The following PHTF2 variants were observed in gnomAD, a reference collection of about 807,000 sequenced individuals.
PHTF2 encodes the protein putative homeodomain transcription factor 2, also known as protein PHTF2.
PHTF2 carries 60 observed loss-of-function variants against 101.2 expected under a neutral mutation model. That is an observed-to-expected ratio of 0.59 (90% CI 0.48 to 0.73). The LOEUF (loss-of-function observed/expected upper bound fraction) is 0.73. PHTF2 is among the 30% of genes least tolerant of loss of function. The pLI is 0.00. For missense variants in PHTF2, 747 were observed against 908.7 expected, an observed-to-expected ratio of 0.82 and a Z score of 2.29; for synonymous variants, 311 against 307.3, an observed-to-expected ratio of 1.01 and a Z score of -0.13.
chr7:77,808,582 A>C (rs1189245151), intron 1 of PHTF2, among the ~76,000 whole-genome samples: 1 of 152,204 alleles, frequency 6.6e-6, no homozygotes, highest in Non-Finnish European at 1.5e-5. Flanking sequence ...AGTTTTTCCT[A>C]CATTGCATAT....
At chr7:77,859,922 T>G (rs1191696525) in intron 3 of PHTF2, among the ~76,000 whole-genome samples, 1 of 152,200 alleles carries the variant, frequency 6.6e-6, no homozygotes, top group Admixed American at 6.5e-5. Context: ...TATGCAAAAT[T>G]AAGCACAATT....
At chr7:77,874,890 A>G (rs1294411884) in intron 3 of PHTF2, among the ~76,000 whole-genome samples, 1 of 152,174 alleles carries the variant, frequency 6.6e-6, no homozygotes, top group Non-Finnish European at 1.5e-5. Flanking sequence ...CTTTTCCCCA[A>G]TAAACGTTCT....
At chr7:77,878,158 T>C (rs1050427014) in intron 3 of PHTF2, among the ~76,000 whole-genome samples, 1 of 151,622 alleles carries the variant, frequency 6.6e-6, no homozygotes, top group African/African-American at 2.4e-5. Context: ...ACAAGAGAGG[T>C]TATTATTATT....
At chr7:77,926,434 C>T (rs1221132531) in intron 11 of PHTF2, among the ~76,000 whole-genome samples, 2 of 151,866 alleles carry the variant, frequency 1.3e-5, no homozygotes, top group Non-Finnish European at 2.9e-5. Context: ...TTTCTTTTTA[C>T]TTCTTTCTAA....
rs375873189 is a variant in PHTF2, at chr7:77,927,199, TAC to T, written c.1120-1886_1120-1885del. ...AAAAATATATATATATATATATACA[TAC>T]ACACACACACACACACACACACAAA... On this transcript the variant is annotated intron_variant, in intron 11 of 19. Coordinates refer to ENST00000416283, the Ensembl canonical transcript of PHTF2. 3.5e-3 allele frequency among the ~76,000 whole-genome samples: 375 copies of T among 108,374 alleles called. 2 individuals are homozygous for T. The highest frequency in any genetic ancestry group is 0.01 in the Middle Eastern group (2 of 192). The allele number at this position is 108,374 out of a possible 152,430, so 71.1% of individuals were successfully genotyped here. A position where few individuals can be genotyped will look rare whatever the true frequency, so the allele number is the denominator to read the frequency against.
chr7:77,925,662 G>A (rs191765805), intron 11 of PHTF2, among the ~76,000 whole-genome samples: 1 of 151,550 alleles, frequency 6.6e-6, no homozygotes, highest in Admixed American at 6.6e-5. Flanking sequence ...ATGGGGTTTC[G>A]CCCTGTTGGC....
intron 5 of PHTF2, 23 bp from the exon 5 acceptor site, chr7:77,900,688 A>G (rs762488144): frequency 3.8e-5 from 46 of 1,226,058 alleles, no homozygotes; most frequent in East Asian, 7.0e-5. Flanking sequence ...TACAATTCCA[A>G]TGCTTCTTTT....
At chr7:77,893,982 T>C in exon 5 of PHTF2, 1 of 1,599,934 alleles carries the variant, frequency 6.3e-7, no homozygotes, top group Non-Finnish European at 8.6e-7. Context: ...CTCTGTACAG[T>C]TTATTAAACT....
intron 1 of PHTF2, among the ~76,000 whole-genome samples, chr7:77,801,019 A>C (rs973201580): frequency 5.9e-5 from 9 of 152,224 alleles, no homozygotes; most frequent in Non-Finnish European, 1.5e-5. Flanking sequence ...ATAACACTGC[A>C]AAACCGTAAA....
intron 1 of PHTF2, among the ~76,000 whole-genome samples, chr7:77,824,072 A>G (rs974850051): frequency 1.2e-4 from 19 of 152,150 alleles, no homozygotes; most frequent in Non-Finnish European, 5.9e-5. Context: ...GTTTGGAGGT[A>G]TGACAAATAC....
Position 77,925,692 on chromosome 7 carries a change from C to T in PHTF2, c.1119+2914C>T, listed in dbSNP as rs551747821. Reference sequence around the variant, plus strand: ...GTTGGCTAGGCTGGTCTTGATGCACCCACCTGGACCTCCCAAAGTGCTGGG... The same window carrying T: ...GTTGGCTAGGCTGGTCTTGATGCACTCACCTGGACCTCCCAAAGTGCTGGG... On this transcript the variant is annotated intron_variant, in intron 11 of 19. Coordinates refer to ENST00000416283, the Ensembl canonical transcript of PHTF2. 2.0e-5 allele frequency among the ~76,000 whole-genome samples: 3 copies of T among 151,686 alleles called. No homozygotes were observed. The South Asian group carries it at 6.3e-4, about 32-fold the overall frequency.
chr7:77,895,509 A>T (rs1161940496), intron 5 of PHTF2, among the ~76,000 whole-genome samples: 1 of 152,094 alleles, frequency 6.6e-6, no homozygotes, highest in Non-Finnish European at 1.5e-5. Context: ...AAAGCCTTTA[A>T]CTCATTAGAC....
chr7:77,935,314 C>A (rs1331500463), intron 12 of PHTF2, among the ~76,000 whole-genome samples: 2 of 151,110 alleles, frequency 1.3e-5, no homozygotes, highest in Non-Finnish European at 2.9e-5. Flanking sequence ...GCTCTGCCTC[C>A]CGGGTTCACG....
At chr7:77,863,001 A>C (rs1195987858) in intron 3 of PHTF2, among the ~76,000 whole-genome samples, 3 of 152,228 alleles carry the variant, frequency 2.0e-5, no homozygotes, top group Non-Finnish European at 4.4e-5. Context: ...GAGTTTATTC[A>C]AATAAAAGCT....
chr7:77,953,877 C>T (rs1806758249), exon 19 of PHTF2: 6 of 1,613,070 alleles, frequency 3.7e-6, no homozygotes, highest in Non-Finnish European at 5.1e-6. Context: ...CAGTGACTTG[C>T]TTGGATTTAA....
intron 11 of PHTF2, among the ~76,000 whole-genome samples, chr7:77,927,177 A>AATATAT (rs386410516): frequency 5.1e-5 from 4 of 78,150 alleles, no homozygotes; most frequent in South Asian, 4.1e-4. Context: ...AAAAAAAAAA[A>AATATAT]ATATATATAT....
chr7:77,817,877 A>T (rs2150508244), intron 1 of PHTF2, among the ~76,000 whole-genome samples: 1 of 152,244 alleles, frequency 6.6e-6, no homozygotes, highest in East Asian at 1.9e-4. Context: ...TGGGAGGCCA[A>T]GGTGGGTGGA....
intron 9 of PHTF2, among the ~76,000 whole-genome samples, chr7:77,918,859 G>A (rs1803181106): frequency 6.6e-6 from 1 of 152,188 alleles, no homozygotes; most frequent in African/African-American, 2.4e-5. Context: ...TTGCAACTCT[G>A]TGGAGATGTG....
chr7:77,953,850 G>C, exon 19 of PHTF2: 1 of 1,613,178 alleles, frequency 6.2e-7, no homozygotes, highest in Non-Finnish European at 8.5e-7. Context: ...TATCCTGTCA[G>C]CTGTTTCTGG....
Sources: allele counts gnomAD v4.1 joint callset (sites outside exome capture counted in the v4.1 genomes callset), GRCh38; gene constraint gnomAD v4.1.1; transcripts MANE v1.5; gene names NCBI Gene and HGNC (gene_info 2026-07-23, HGNC 2026-07-21).